Variants in RUNX1 observed in about 807,000 individuals in gnomAD.
RUNX1 encodes RUNX family transcription factor 1.
RUNX1 carries 19 observed loss-of-function variants against 42.8 expected under a neutral mutation model. The observed-to-expected ratio is 0.44, with a 90% CI of 0.31 to 0.65. The LOEUF (loss-of-function observed/expected upper bound fraction) is 0.65, where lower values mean the gene tolerates loss of function less well. Among genes scored for constraint, RUNX1 ranks in the 30% least tolerant of loss-of-function variants. The pLI is 0.07. For missense variants in RUNX1, 528 were observed against 672.0 expected, an observed-to-expected ratio of 0.79 and a Z score of 2.37; for synonymous variants, 271 against 289.4, an observed-to-expected ratio of 0.94 and a Z score of 0.64.
At chr21:34,852,697 C>T (rs940870394) in intron 6 of RUNX1, among the ~76,000 whole-genome samples, 5 of 152,168 alleles carry the variant, frequency 3.3e-5, no homozygotes, top group Admixed American at 3.3e-4. Flanking sequence ...TGAGCCTCTG[C>T]CTTGCTCCTG....
chr21:34,848,981 T>C (rs1168212544), intron 6 of RUNX1, among the ~76,000 whole-genome samples: 1 of 151,906 alleles, frequency 6.6e-6, no homozygotes, highest in Non-Finnish European at 1.5e-5. Flanking sequence ...AGAATATGAC[T>C]TTTAAGCCAT....
At chr21:34,874,270 G>T (rs1297645356) in intron 5 of RUNX1, among the ~76,000 whole-genome samples, 1 of 151,832 alleles carries the variant, frequency 6.6e-6, no homozygotes, top group Non-Finnish European at 1.5e-5. Context: ...TCTCTTTACT[G>T]ATCTGAACTT....
chr21:34,887,694 GTATA>G, intron 3 of RUNX1: 8 of 1,064,366 alleles, frequency 7.5e-6, no homozygotes, highest in Non-Finnish European at 6.8e-6. Context: ...GTATGTGCAC[GTATA>G]TATAAATATA....
rs2145862659 is a variant in RUNX1 at position 34,789,817 on chromosome 21, C to T, written c.*2318G>A. 1 of 233,206 alleles carries T rather than the reference C, an allele frequency of 4.3e-6. No homozygotes were observed. Among genetic ancestry groups the T allele is most frequent in the Admixed American group, 5.6e-5 (1 of 17,798 alleles). The allele number at this position is 233,206 out of a possible 1,614,324, so 14.4% of individuals were successfully genotyped here. On this transcript the variant is annotated 3_prime_UTR_variant, in exon 9 of 9. Transcript: ENST00000675419. Reference sequence around the variant, plus strand: ...AATGTAAAAGATTATCTAATCAGAGCATGAGGCTGGTTTTGAGTTGGAATA... The same window carrying T: ...AATGTAAAAGATTATCTAATCAGAGTATGAGGCTGGTTTTGAGTTGGAATA...
intron 2 of RUNX1, among the ~76,000 whole-genome samples, chr21:35,001,781 TA>T (rs1241427898): frequency 6.6e-6 from 1 of 152,168 alleles, no homozygotes; most frequent in Admixed American, 6.5e-5. Context: ...TTCGATATAA[TA>T]AGTGAATTCT....
At chr21:35,006,538 C>T (rs954415088) in intron 2 of RUNX1, among the ~76,000 whole-genome samples, 2 of 152,152 alleles carry the variant, frequency 1.3e-5, no homozygotes, top group African/African-American at 4.8e-5. Context: ...TTCCATTCTG[C>T]TGGTTGACTT....
intron 2 of RUNX1, among the ~76,000 whole-genome samples, chr21:35,034,920 G>A (rs1215295928): frequency 6.6e-6 from 1 of 152,160 alleles, no homozygotes; most frequent in African/African-American, 2.4e-5. Context: ...TACTCAGCCT[G>A]AGTCTGTTCC....
chr21:34,849,329 A>C (rs2057368637), intron 6 of RUNX1, among the ~76,000 whole-genome samples: 1 of 32,836 alleles, frequency 3.0e-5, no homozygotes, highest in Non-Finnish European at 6.0e-5. Flanking sequence ...TATATTATAT[A>C]TACTATATAT....
chr21:34,913,840 T>C (rs927355951), intron 2 of RUNX1, among the ~76,000 whole-genome samples: 4 of 152,122 alleles, frequency 2.6e-5, no homozygotes, highest in Middle Eastern at 6.8e-3. Context: ...CCACCCAGAG[T>C]TTAGCTTAGG....
intron 2 of RUNX1, among the ~76,000 whole-genome samples, chr21:34,940,996 A>T (rs2058522708): frequency 2.0e-5 from 3 of 152,246 alleles, no homozygotes. Context: ...TCACTGCCAT[A>T]GAAGAATTGT....
At chr21:34,821,474 G>A in intron 7 of RUNX1, 2 of 1,421,810 alleles carry the variant, frequency 1.4e-6, no homozygotes, top group Non-Finnish European at 1.9e-6. Context: ...CATGTGTTAG[G>A]AACTATTATT....
chr21:35,048,645 T>C (rs1441037059), intron 2 of RUNX1, among the ~76,000 whole-genome samples, 197 bp downstream of exon 2: 1 of 152,236 alleles, frequency 6.6e-6, no homozygotes, highest in Non-Finnish European at 1.5e-5. Context: ...TATTAAAACA[T>C]TTCTGAAGAG....
At chr21:34,947,968 C>A (rs1196147562) in intron 2 of RUNX1, among the ~76,000 whole-genome samples, 1 of 152,144 alleles carries the variant, frequency 6.6e-6, no homozygotes, top group Non-Finnish European at 1.5e-5. Flanking sequence ...CTCGTCCAAG[C>A]CTTAGACCCC....
chr21:34,898,859 G>A (rs2058151619), intron 2 of RUNX1, among the ~76,000 whole-genome samples: 1 of 152,212 alleles, frequency 6.6e-6, no homozygotes, highest in Non-Finnish European at 1.5e-5. Flanking sequence ...TGTTGCCACT[G>A]CCGCTGGTTC....
At chr21:34,813,195 C>G (rs778176540) in intron 7 of RUNX1, among the ~76,000 whole-genome samples, 55 of 152,034 alleles carry the variant, frequency 3.6e-4, no homozygotes, top group Non-Finnish European at 6.3e-4. Context: ...ACGTGGAGGC[C>G]AGGAATGCTG....
chr21:34,871,751 A>G (rs1395403642), intron 5 of RUNX1, among the ~76,000 whole-genome samples: 1 of 151,866 alleles, frequency 6.6e-6, no homozygotes, highest in Non-Finnish European at 1.5e-5. Context: ...CCTGCCACGT[A>G]GTGCCTTCAT....
intron 2 of RUNX1, among the ~76,000 whole-genome samples, chr21:34,999,459 C>A (rs115795121): frequency 2.6e-5 from 4 of 152,206 alleles, no homozygotes; most frequent in South Asian, 2.1e-4. Flanking sequence ...GGGAGACCTG[C>A]GCTTCCTGAT....
rs895618227 is a variant in RUNX1 at position 34,843,177 on chromosome 21, C to T, written c.614-8576G>A. 2.0e-5 allele frequency among the ~76,000 whole-genome samples: 3 copies of T among 152,110 alleles called. No individual in the cohort carries two copies. In the East Asian group the frequency reaches 5.8e-4, roughly 29 times the overall value. ...ACAAACACAGGCATGCATGTAAACACATACAGACACACACATACACAGACA... is the reference window on the plus strand; with the variant it reads ...ACAAACACAGGCATGCATGTAAACATATACAGACACACACATACACAGACA... On this transcript the variant is annotated intron_variant, in intron 6 of 8. Transcript: ENST00000675419. This position sits in a 1 kb window ranked among gnomAD's most constrained non-coding sequence, Gnocchi z 4.8.
At chr21:34,823,014 A>G (rs1279714927) in intron 7 of RUNX1, among the ~76,000 whole-genome samples, 2 of 152,372 alleles carry the variant, frequency 1.3e-5, no homozygotes, top group Middle Eastern at 6.8e-3. Context: ...CTGGCACAGC[A>G]TAAGCTCTCT....
Sources: allele counts gnomAD v4.1 joint callset (sites outside exome capture counted in the v4.1 genomes callset), GRCh38; gene constraint gnomAD v4.1.1; non-coding constraint Gnocchi (gnomAD v3.1); transcripts MANE v1.5; gene names NCBI Gene and HGNC (gene_info 2026-07-23, HGNC 2026-07-21).